The following RBFOX3 variants were observed in gnomAD, a reference collection of about 807,000 sequenced individuals.
RBFOX3 encodes RNA binding protein fox-1 homolog 3.
Under a neutral mutation model 48.7 loss-of-function variants are expected in RBFOX3, and 17 were observed. That is an observed-to-expected ratio of 0.35 (90% confidence interval 0.24 to 0.52). The LOEUF is 0.52. Among genes scored for constraint, RBFOX3 ranks in the 20% least tolerant of loss-of-function variants. The pLI is 0.94. For synonymous variants in RBFOX3, 212 were observed against 209.5 expected, an observed-to-expected ratio of 1.01 and a Z score of -0.10; for missense variants, 382 against 497.5, an observed-to-expected ratio of 0.77 and a Z score of 2.21.
chr17:79,213,770 C>T (rs1435394968), intron 4 of RBFOX3, among the ~76,000 whole-genome samples: 2 of 152,232 alleles, frequency 1.3e-5, no homozygotes, highest in Non-Finnish European at 2.9e-5. Flanking sequence ...TGGACTCCCA[C>T]CAGATATAAC....
intron 2 of RBFOX3, among the ~76,000 whole-genome samples, chr17:79,341,555 T>C (rs4790014): frequency 0.95 from 144,586 of 152,184 alleles, 69,116 homozygotes; most frequent in South Asian, 1. Context: ...CTAGGCAGCA[T>C]GGCTGGGGCT....
chr17:79,097,878 C>A lies in RBFOX3; in HGVS notation c.569-133G>T, dbSNP rs1304996924. ...CCAGGGCGCCTCCCCGCGCCGGGCC[C>A]CCCTTTCCCACACTGCCCGGACAAG... is the stretch of plus-strand genomic sequence containing the variant. On this transcript the variant is annotated intron_variant, in intron 9 of 14. Transcript: ENST00000693108. 4.5e-6 allele frequency: 4 copies of A among 897,216 alleles called. No homozygotes were observed. In the South Asian group the frequency reaches 6.1e-5, roughly 14 times the overall value. The allele number at this position is 897,216 out of a possible 1,614,324, so 55.6% of individuals were successfully genotyped here. A position where few individuals can be genotyped will look rare whatever the true frequency, so the allele number is the denominator to read the frequency against.
chr17:79,627,623 T>C, the RBFOX3 span, among the ~76,000 whole-genome samples: 1 of 152,200 alleles, frequency 6.6e-6, no homozygotes, highest in Non-Finnish European at 1.5e-5. Context: ...CCAAGCAGCC[T>C]GGTGCCTTCT....
chr17:79,246,730 G>A (rs946836933), intron 3 of RBFOX3, among the ~76,000 whole-genome samples: 2 of 152,198 alleles, frequency 1.3e-5, no homozygotes, highest in Non-Finnish European at 2.9e-5. Context: ...AACTCTTTGA[G>A]ACCTGAAGAG....
Position 79,533,258 on chromosome 17 carries a change from C to T in RBFOX3, c.-319-50660G>A, listed in dbSNP as rs141033886. ...ACGGTCCCAGGGCCGGGACAAGCTG[C>T]GCTCTTTGTCCTCCCCAACTGGAGG... On this transcript the variant is annotated intron_variant, in intron 1 of 14. Coordinates refer to ENST00000693108, the MANE Select transcript of RBFOX3 (RefSeq NM_001350451.2). Among the ~76,000 whole-genome samples, 71 of 152,330 alleles carry T rather than the reference C, an allele frequency of 4.7e-4. No individual in the cohort carries two copies. In the South Asian group the frequency reaches 9.9e-3, roughly 21 times the overall value.
chr17:79,573,462 A>G (rs1470606534), intron 1 of RBFOX3, among the ~76,000 whole-genome samples: 8 of 152,100 alleles, frequency 5.3e-5, no homozygotes, highest in African/African-American at 1.9e-4. Flanking sequence ...CAGGCTGAGC[A>G]CTCGGAGCCC....
chr17:79,092,308 G>A (rs1169876171), intron 14 of RBFOX3: 2 of 985,524 alleles, frequency 2.0e-6, no homozygotes, highest in East Asian at 1.1e-4. Context: ...CACCGTACCT[G>A]CAATGGCTTG....
intron 2 of RBFOX3, among the ~76,000 whole-genome samples, chr17:79,475,891 C>T (rs1298169747): frequency 6.6e-6 from 1 of 152,314 alleles, no homozygotes; most frequent in East Asian, 1.9e-4. Context: ...AACCCCGCTG[C>T]CCTCCTGATT....
chr17:79,509,253 C>T (rs961096164), intron 1 of RBFOX3, among the ~76,000 whole-genome samples: 2 of 152,162 alleles, frequency 1.3e-5, no homozygotes, highest in Non-Finnish European at 2.9e-5. Flanking sequence ...GATAGGAGCG[C>T]CAGAGCCGGT....
chr17:79,107,554 G>A (rs565081685), intron 5 of RBFOX3, among the ~76,000 whole-genome samples: 1 of 152,338 alleles, frequency 6.6e-6, no homozygotes, highest in Non-Finnish European at 1.5e-5. Flanking sequence ...GTCTTCTCCA[G>A]TGGACTGGCC....
At chr17:79,513,323 A>G (rs1262179646) in intron 1 of RBFOX3, among the ~76,000 whole-genome samples, 9 of 151,990 alleles carry the variant, frequency 5.9e-5, no homozygotes, top group East Asian at 1.9e-4. Flanking sequence ...ACACACACCC[A>G]GATACATGTT....
Position 79,610,830 on chromosome 17 carries a change from T to C in RBFOX3, c.-324A>G, listed in dbSNP as rs2145571729. Among the ~76,000 whole-genome samples the C allele has an allele frequency of 6.6e-6, 1 of 151,736 alleles. No individual in the cohort carries two copies. Among genetic ancestry groups the C allele is most frequent in the East Asian group, 2.0e-4 (1 of 5,056 alleles). On this transcript the variant is annotated 5_prime_UTR_variant, in exon 1 of 15. It removes the in-frame stop codon of an upstream open reading frame in the 5' UTR. Coordinates refer to ENST00000693108, the MANE Select transcript of RBFOX3 (RefSeq NM_001350451.2). ...CGACGAGGCCAGGCTACTCACGGGC[T>C]CAGCGCTCCCCGCGGCAGGTGACTG...
At chr17:79,230,098 AG>A (rs1231417583) in intron 4 of RBFOX3, among the ~76,000 whole-genome samples, 5 of 152,086 alleles carry the variant, frequency 3.3e-5, no homozygotes, top group South Asian at 2.1e-4. Flanking sequence ...ACTGGGGGCA[AG>A]GGGGGTGCCG....
At chr17:79,469,940 C>T (rs1406947540) in intron 2 of RBFOX3, among the ~76,000 whole-genome samples, 2 of 152,168 alleles carry the variant, frequency 1.3e-5, no homozygotes, top group Admixed American at 6.5e-5. Flanking sequence ...GGAAGACCAT[C>T]TCATCGTCTC....
At chr17:79,200,305 T>A (rs2056546549) in intron 4 of RBFOX3, among the ~76,000 whole-genome samples, 1 of 152,142 alleles carries the variant, frequency 6.6e-6, no homozygotes, top group African/African-American at 2.4e-5. Flanking sequence ...CAAACCCTCT[T>A]CACCACAGCC....
chr17:79,436,709 G>T (rs181121453), intron 2 of RBFOX3, among the ~76,000 whole-genome samples: 297 of 152,278 alleles, frequency 2.0e-3, no homozygotes, highest in African/African-American at 6.6e-3. Context: ...GGGGAAGAAA[G>T]AAGAAAGCTC....
rs1481145776 is a variant in RBFOX3 at position 79,254,624 on chromosome 17, G to C, written c.-73-18819C>G. 6.6e-6 allele frequency among the ~76,000 whole-genome samples: 1 copy of C among 152,130 alleles called. No homozygotes were observed. The highest frequency in any genetic ancestry group is 2.4e-5 in the African/African-American group (1 of 41,432). ...GGCCCCAGGGATCTCCCACCTGCTT[G>C]GGTTGGTCTTATGCCACCAGGGGCC... On this transcript the variant is annotated intron_variant, in intron 3 of 14. Coordinates refer to ENST00000693108, the MANE Select transcript of RBFOX3 (RefSeq NM_001350451.2). This position sits in a 1 kb window ranked among gnomAD's most constrained non-coding sequence, Gnocchi z 4.8.
intron 1 of RBFOX3, among the ~76,000 whole-genome samples, chr17:79,564,974 G>T (rs2092399127): frequency 6.7e-6 from 1 of 148,912 alleles, no homozygotes; most frequent in South Asian, 2.1e-4. Context: ...CCGGGAGGCG[G>T]AGTTGCAGTG....
chr17:79,645,833 A>C, the RBFOX3 span, among the ~76,000 whole-genome samples: 1 of 152,218 alleles, frequency 6.6e-6, no homozygotes, highest in Non-Finnish European at 1.5e-5. Flanking sequence ...AGATGGGGTA[A>C]AGTAGAGGGA....
Sources: gnomAD v4.1 joint callset for allele counts (sites outside exome capture counted in the v4.1 genomes callset) on GRCh38, gnomAD v4.1.1 for gene constraint, Gnocchi (gnomAD v3.1) non-coding constraint, MANE v1.5 for transcripts, NCBI Gene and HGNC (gene_info 2026-07-23, HGNC 2026-07-21) for gene names.